The following GOLM2 variants were observed in gnomAD, a reference collection of about 807,000 sequenced individuals.
The protein encoded by GOLM2 is protein GOLM2.
A neutral mutation model predicts 55.9 loss-of-function variants in GOLM2; 26 were observed. That is an observed-to-expected ratio of 0.47 (90% CI 0.34 to 0.65). GOLM2 has a LOEUF of 0.65. Ranked by LOEUF, GOLM2 falls within the 30% of genes least tolerant of loss-of-function variation. The probability of loss-of-function intolerance (pLI) is 0.01; values close to 1 mark genes in which losing one functional copy is unlikely to be tolerated. For synonymous variants in GOLM2, 165 were observed against 194.6 expected (o/e 0.85, Z 1.27); for missense variants, 486 against 531.8 (o/e 0.91, Z 0.85).
rs183101023 is a variant in GOLM2 at position 44,301,766 on chromosome 15, G to A, written c.327+12410G>A. ...GCATATTTTAAAGCACAGGATATCA[G>A]CCGGGTATGGTGCCACATGCCTATA... is the stretch of plus-strand genomic sequence containing the variant. On this transcript the variant is annotated intron_variant, in intron 1 of 9. Transcript: ENST00000299957. 5.0e-3 allele frequency among the ~76,000 whole-genome samples: 763 copies of A among 152,220 alleles called. 5 individuals are homozygous for A. Among genetic ancestry groups the A allele is most frequent in the African/African-American group, 0.017 (723 of 41,546 alleles).
chr15:44,301,837 A>T (rs1440239980), intron 1 of GOLM2, among the ~76,000 whole-genome samples: 1 of 151,766 alleles, frequency 6.6e-6, no homozygotes, highest in Admixed American at 6.6e-5. Context: ...ACTTGAATCC[A>T]GGAGGCAGAG....
At chr15:44,308,549 C>T (rs1489399337) in intron 1 of GOLM2, 1 of 152,052 alleles carries the variant, frequency 6.6e-6, no homozygotes, top group Non-Finnish European at 1.5e-5. Flanking sequence ...CTGTTTGAGT[C>T]CCTGGTTTCA....
chr15:44,343,576 A>G (rs2079102657), intron 6 of GOLM2, among the ~76,000 whole-genome samples: 1 of 152,084 alleles, frequency 6.6e-6, no homozygotes, highest in Non-Finnish European at 1.5e-5. Flanking sequence ...CTGTAATCCC[A>G]GCACTTTAGG....
intron 1 of GOLM2, chr15:44,308,379 T>C (rs1361595210): frequency 6.6e-6 from 1 of 152,258 alleles, no homozygotes; most frequent in East Asian, 1.9e-4. Context: ...ATTTATGTTG[T>C]AGCATGTATC....
rs1458798896 is a variant in GOLM2 at position 44,346,303 on chromosome 15, T to C, written c.802+7986T>C. On this transcript the variant is annotated intron_variant, in intron 6 of 9. Transcript: ENST00000299957. ...AATGGTGGTTGCATATTGGAATCTC[T>C]GGGGAGCTTGAAAAAAAAAAAGATA... Among the ~76,000 whole-genome samples the C allele has an allele frequency of 2.6e-5, 4 of 151,580 alleles. No individual in the cohort carries two copies. In the East Asian group the frequency reaches 7.8e-4, roughly 30 times the overall value.
chr15:44,390,777 C>T (rs1016455472), intron 8 of GOLM2, among the ~76,000 whole-genome samples: 4 of 152,084 alleles, frequency 2.6e-5, no homozygotes, highest in Non-Finnish European at 4.4e-5. Context: ...CCATGTTGGT[C>T]GGGCTGGTCT....
intron 9 of GOLM2, among the ~76,000 whole-genome samples, chr15:44,404,841 T>C (rs1443089576): frequency 6.6e-6 from 1 of 152,314 alleles, no homozygotes; most frequent in Non-Finnish European, 1.5e-5. Flanking sequence ...TGAGCATTTA[T>C]TCTTATAACT....
At chr15:44,358,870 C>G (rs1032337533) in intron 6 of GOLM2, among the ~76,000 whole-genome samples, 2 of 152,142 alleles carry the variant, frequency 1.3e-5, no homozygotes, top group Non-Finnish European at 2.9e-5. Context: ...GATTTAGAAA[C>G]TTCTGGCCGG....
At chr15:44,336,172 A>C (rs1043777426) in intron 4 of GOLM2, among the ~76,000 whole-genome samples, 1 of 147,420 alleles carries the variant, frequency 6.8e-6, no homozygotes. Context: ...GCTGGAGTGC[A>C]GTGGTGCCAT....
chr15:44,396,171 A>G (rs909205960), intron 8 of GOLM2, among the ~76,000 whole-genome samples: 1 of 152,110 alleles, frequency 6.6e-6, no homozygotes, highest in Non-Finnish European at 1.5e-5. Context: ...CCTGGCCAAC[A>G]TGGCGAAACC....
chr15:44,306,271 A>G (rs1031433243), intron 1 of GOLM2, among the ~76,000 whole-genome samples: 2 of 151,428 alleles, frequency 1.3e-5, no homozygotes, highest in African/African-American at 4.9e-5. Flanking sequence ...AGCACTTGCC[A>G]CTTCCCCTTG....
intron 6 of GOLM2, among the ~76,000 whole-genome samples, chr15:44,343,829 A>G (rs1319011812): frequency 1.3e-5 from 2 of 151,790 alleles, no homozygotes; most frequent in Non-Finnish European, 2.9e-5. Context: ...GTCTCAAAAA[A>G]AAAAAAAAAG....
chr15:44,369,076 T>C (rs1419962342), intron 6 of GOLM2, among the ~76,000 whole-genome samples: 1 of 52,326 alleles, frequency 1.9e-5, no homozygotes, highest in Non-Finnish European at 3.6e-5. Flanking sequence ...ATTATATATA[T>C]ATATATATAT....
At chr15:44,375,055 T>C (rs141589120) in intron 6 of GOLM2, among the ~76,000 whole-genome samples, 2 of 152,266 alleles carry the variant, frequency 1.3e-5, no homozygotes, top group Non-Finnish European at 2.9e-5. Context: ...TCTCCCTCCA[T>C]TGCCCAGGCT....
intron 6 of GOLM2, among the ~76,000 whole-genome samples, chr15:44,364,992 A>C (rs1054261613): frequency 4.6e-5 from 7 of 152,186 alleles, no homozygotes; most frequent in African/African-American, 1.4e-4. Flanking sequence ...TTCTTACAAA[A>C]TTAAACTTAC....
chr15:44,403,209 C>A lies in GOLM2; in HGVS notation c.1240+155C>A, dbSNP rs962581003. The A allele has an allele frequency of 1.6e-5, 13 of 793,516 alleles. No homozygotes were observed. In the African/African-American group the frequency reaches 1.9e-4, roughly 11 times the overall value. 49.2% of individuals were successfully genotyped at this position (793,516 alleles called of 1,614,324 possible). A position where few individuals can be genotyped will look rare whatever the true frequency, so the allele number is the denominator to read the frequency against. ...CGGAATTTCGCTTTTGTTGCCCAGG[C>A]TGGAGTCCAATGGTGCGATCTTGGC... On this transcript the variant is annotated intron_variant, in intron 9 of 9. Coordinates refer to ENST00000299957, the MANE Select transcript of GOLM2 (RefSeq NM_138423.4).
chr15:44,330,415 G>A (rs1029333985), intron 3 of GOLM2, among the ~76,000 whole-genome samples: 2 of 150,204 alleles, frequency 1.3e-5, no homozygotes, highest in African/African-American at 2.4e-5. Context: ...TTGGGAGGCT[G>A]AGCAGGAGAA....
In GOLM2 at chr15:44,288,896, A is replaced by G. The variant is rs530306718; in HGVS notation, c.-134A>G. ...GGCCCCGCCCCCTTCTCCGGCTCGC[A>G]GCCGACCGGTAAGCCCGCCTCCTCC... On this transcript the variant is annotated 5_prime_UTR_variant, in exon 1 of 10. Transcript: ENST00000299957. 1.3e-6 allele frequency: 1 copy of G among 772,256 alleles called. No individual in the cohort carries two copies. Among genetic ancestry groups the G allele is most frequent in the Non-Finnish European group, 2.0e-6 (1 of 496,162 alleles). The allele number at this position is 772,256 out of a possible 1,614,324, so 47.8% of individuals were successfully genotyped here. A position where few individuals can be genotyped will look rare whatever the true frequency, so the allele number is the denominator to read the frequency against.
At chr15:44,324,013 T>C (rs1186816788) in intron 2 of GOLM2, among the ~76,000 whole-genome samples, 1 of 152,228 alleles carries the variant, frequency 6.6e-6, no homozygotes, top group Non-Finnish European at 1.5e-5. Flanking sequence ...TGGGTTTTTG[T>C]TGCATCTGTG....
Sources: allele counts gnomAD v4.1 joint callset (sites outside exome capture counted in the v4.1 genomes callset), GRCh38; gene constraint gnomAD v4.1.1; transcripts MANE v1.5; gene names NCBI Gene and HGNC (gene_info 2026-07-23, HGNC 2026-07-21).